Variants in PHACTR1 observed in about 807,000 individuals in gnomAD.
The protein encoded by PHACTR1 is phosphatase and actin regulator 1, also known as RPEL repeat containing 1.
Under a neutral mutation model 69.2 loss-of-function variants are expected in PHACTR1, and 16 were observed. That is an observed-to-expected ratio of 0.23 (90% confidence interval 0.16 to 0.35). PHACTR1 has a LOEUF of 0.35. Among genes scored for constraint, PHACTR1 ranks in the 10% least tolerant of loss-of-function variants. The pLI, the probability that PHACTR1 is intolerant of heterozygous loss-of-function variation, is 1.00. For missense variants in PHACTR1, 510 were observed against 734.7 expected, an observed-to-expected ratio of 0.69 and a Z score of 3.54; for synonymous variants, 312 against 284.5, an observed-to-expected ratio of 1.10 and a Z score of -0.97.
chr6:12,803,350 G>T (rs9463137), intron 4 of PHACTR1, among the ~76,000 whole-genome samples: 56,508 of 151,896 alleles, frequency 0.37, 11,314 homozygotes, highest in African/African-American at 0.5. Context: ...ACCTGCTCCA[G>T]TCCTCTGACT....
At chr6:13,206,214 CTT>C in intron 8 of PHACTR1, 78 bp downstream of exon 8, 1 of 1,366,512 alleles carries the variant, frequency 7.3e-7, no homozygotes, top group South Asian at 1.5e-5. Context: ...TGGACCATGA[CTT>C]AGGAATGTGA....
intron 5 of PHACTR1, among the ~76,000 whole-genome samples, chr6:13,149,177 G>T (rs1166641287): frequency 1.3e-5 from 2 of 152,126 alleles, no homozygotes; most frequent in Non-Finnish European, 2.9e-5. Flanking sequence ...TCTGCAATCT[G>T]GTATTTAGAT....
intron 6 of PHACTR1, among the ~76,000 whole-genome samples, 177 bp from the exon 7 acceptor site, chr6:13,182,342 A>G (rs575807729): frequency 6.6e-6 from 1 of 152,378 alleles, no homozygotes; most frequent in South Asian, 2.1e-4. Flanking sequence ...TGCCCTGATG[A>G]TTAGACAACA....
intron 12 of PHACTR1, chr6:13,280,621 T>G: frequency 3.6e-6 from 1 of 275,914 alleles, no homozygotes; most frequent in South Asian, 3.3e-5. Context: ...GTAAGAAAAA[T>G]AAAAAATAAA....
In PHACTR1 at chr6:12,741,290, A is replaced by T. The variant is rs1462742796; in HGVS notation, c.104-8354A>T. Among the ~76,000 whole-genome samples the T allele has an allele frequency of 2.0e-5, 3 of 152,010 alleles. No individual in the cohort carries two copies. In the East Asian group the frequency reaches 5.8e-4, roughly 29 times the overall value. On this transcript the variant is annotated intron_variant, in intron 3 of 14. Transcript: ENST00000332995. ...AGTGATTTTTACGCCCTGCTTAAAAATTTTTTGAAGGTCATAAAAATATTC... is the reference window on the plus strand; with the variant it reads ...AGTGATTTTTACGCCCTGCTTAAAATTTTTTTGAAGGTCATAAAAATATTC...
chr6:12,822,478 C>T (rs939596081), intron 4 of PHACTR1, among the ~76,000 whole-genome samples: 15 of 152,208 alleles, frequency 9.9e-5, no homozygotes, highest in African/African-American at 1.4e-4. Flanking sequence ...ATCCACCAAG[C>T]CCTCCATGAG....
chr6:12,981,295 T>C (rs1795499482), intron 4 of PHACTR1, among the ~76,000 whole-genome samples: 1 of 152,368 alleles, frequency 6.6e-6, no homozygotes, highest in African/African-American at 2.4e-5. Flanking sequence ...GCATAAAAAC[T>C]GTTCCCCATC....
chr6:13,228,968 C>T (rs1346492975), intron 9 of PHACTR1, among the ~76,000 whole-genome samples: 1 of 152,222 alleles, frequency 6.6e-6, no homozygotes, highest in African/African-American at 2.4e-5. Context: ...TTTTCTCTCG[C>T]TCTCTACTTA....
chr6:12,959,012 A>C (rs1049871469), intron 4 of PHACTR1, among the ~76,000 whole-genome samples: 1 of 152,014 alleles, frequency 6.6e-6, no homozygotes, highest in African/African-American at 2.4e-5. Context: ...CCCTGTCTCT[A>C]CTAAAAATAC....
chr6:12,877,089 T>G (rs1424224709), intron 4 of PHACTR1, among the ~76,000 whole-genome samples: 1 of 152,172 alleles, frequency 6.6e-6, no homozygotes, highest in African/African-American at 2.4e-5. Context: ...TCCACTCAAA[T>G]GCTAATCTCG....
intron 5 of PHACTR1, among the ~76,000 whole-genome samples, chr6:13,095,670 A>G (rs961073832): frequency 1.4e-4 from 21 of 151,160 alleles, no homozygotes; most frequent in African/African-American, 5.1e-4. Context: ...ATGCAGGCAA[A>G]GGGTGGAGGA....
At chr6:12,987,042 A>AATAT (rs66534138) in intron 4 of PHACTR1, among the ~76,000 whole-genome samples, 6 of 152,048 alleles carry the variant, frequency 3.9e-5, no homozygotes, top group Non-Finnish European at 4.4e-5. Context: ...TCACAATTGG[A>AATAT]ATATATATAT....
At chr6:12,747,771 T>C (rs1280071001) in intron 3 of PHACTR1, among the ~76,000 whole-genome samples, 4 of 152,128 alleles carry the variant, frequency 2.6e-5, no homozygotes, top group Admixed American at 2.0e-4. Context: ...TTGTGGTGCG[T>C]CACTTAAGCA....
At chr6:12,910,587 G>A (rs1334628815) in intron 4 of PHACTR1, among the ~76,000 whole-genome samples, 1 of 152,126 alleles carries the variant, frequency 6.6e-6, no homozygotes, top group Non-Finnish European at 1.5e-5. Context: ...TTAGGAAACA[G>A]TAACCAAGGA....
At chr6:13,022,552 A>G (rs1276623029) in intron 4 of PHACTR1, among the ~76,000 whole-genome samples, 5 of 152,142 alleles carry the variant, frequency 3.3e-5, no homozygotes, top group African/African-American at 1.2e-4. Flanking sequence ...ACCATGCACA[A>G]TTGCTTGCAC....
intron 13 of PHACTR1, among the ~76,000 whole-genome samples, chr6:13,285,159 CAT>C (rs748437959): frequency 4.6e-5 from 7 of 152,358 alleles, no homozygotes; most frequent in Non-Finnish European, 7.3e-5. Context: ...CTTGCACCCT[CAT>C]AGAGTTCTGA....
At chr6:13,214,012 A>G (rs1355719159) in intron 8 of PHACTR1, 2 of 152,304 alleles carry the variant, frequency 1.3e-5, no homozygotes, top group African/African-American at 2.4e-5. Flanking sequence ...TTTATGATCA[A>G]TGTTTTGTTA....
intron 5 of PHACTR1, among the ~76,000 whole-genome samples, chr6:13,140,958 A>T (rs1822345097): frequency 6.6e-6 from 1 of 152,198 alleles, no homozygotes; most frequent in Non-Finnish European, 1.5e-5. Flanking sequence ...TGTTTTAATG[A>T]GGGGAGAAAT....
chr6:12,808,956 C>T (rs1202162153), intron 4 of PHACTR1, among the ~76,000 whole-genome samples: 1 of 152,034 alleles, frequency 6.6e-6, no homozygotes, highest in East Asian at 1.9e-4. Context: ...TGGCTCACTG[C>T]AACCTTCACT....
Sources: gnomAD v4.1 joint callset for allele counts (sites outside exome capture counted in the v4.1 genomes callset) on GRCh38, gnomAD v4.1.1 for gene constraint, MANE v1.5 for transcripts, NCBI Gene and HGNC (gene_info 2026-07-23, HGNC 2026-07-21) for gene names.